Variants in KATNB1 observed in about 807,000 individuals in gnomAD.
The protein encoded by KATNB1 is katanin regulatory subunit B1.
Under a neutral mutation model 82.3 loss-of-function variants are expected in KATNB1, and 38 were observed. The ratio of observed to expected loss-of-function variants is 0.46; its 90% confidence interval spans 0.36 to 0.61. KATNB1 has a LOEUF of 0.61. Ranked by LOEUF, KATNB1 falls within the 20% of genes least tolerant of loss-of-function variation. The probability of loss-of-function intolerance (pLI) is 0.00; values close to 1 mark genes in which losing one functional copy is unlikely to be tolerated. For missense variants in KATNB1, 749 were observed against 915.7 expected (o/e 0.82, Z 2.35); for synonymous variants, 361 against 368.7 (o/e 0.98, Z 0.24).
intron 4 of KATNB1, among the ~76,000 whole-genome samples, chr16:57,745,563 C>CA (rs11449099): frequency 0.65 from 87,370 of 135,174 alleles, 29,524 homozygotes; most frequent in Non-Finnish European, 0.78. Flanking sequence ...AACTCCATCT[C>CA]AAAAAAAAAA....
chr16:57,752,188 G>C, intron 8 of KATNB1, 133 bp downstream of exon 8: 1 of 700,450 alleles, frequency 1.4e-6, no homozygotes. Context: ...GGACTGAATT[G>C]GATTTCAGCC....
intron 2 of KATNB1, among the ~76,000 whole-genome samples, chr16:57,738,633 T>C (rs183864815): frequency 5.0e-4 from 76 of 152,270 alleles, no homozygotes; most frequent in Non-Finnish European, 7.8e-4. Context: ...TGTTTCCTTG[T>C]TTGTAAAGTG....
intron 4 of KATNB1, among the ~76,000 whole-genome samples, chr16:57,748,705 A>C (rs1325416804): frequency 6.6e-6 from 1 of 152,212 alleles, no homozygotes; most frequent in Non-Finnish European, 1.5e-5. Context: ...GGCAGGAGTC[A>C]AGCCGGAAGA....
chr16:57,752,285 G>T (rs1331652870), intron 8 of KATNB1: 1 of 626,124 alleles, frequency 1.6e-6, no homozygotes, highest in East Asian at 2.7e-5. Flanking sequence ...GGGCAGGTTG[G>T]GACCCAAGGC....
In KATNB1 at chr16:57,753,459, C is replaced by T. The variant is rs1219563642; in HGVS notation, c.1117C>T (p.Arg373Cys). The T allele has an allele frequency of 9.3e-6, 15 of 1,613,118 alleles. No homozygotes were observed. The highest frequency in any genetic ancestry group is 8.3e-5 in the Admixed American group (5 of 60,006). The change falls in exon 12 of 20, where the codon CGC becomes TGC. Residue 373 changes from arginine to cysteine, a missense_variant. By Grantham distance (180) the Arg-to-Cys change is radical (BLOSUM62 -3). Transcript: ENST00000379661. ...GGATGACCGGGACGAGCGCGAGTCC[C>T]GCGCGGAGATCCAGAACGCCGAGGA... is the stretch of plus-strand genomic sequence containing the variant. The part of the protein sequence containing the change: ...SEDDRDERES[R>C]AEIQNAEDYN...
chr16:57,754,039 C>A (rs781996633), intron 13 of KATNB1, 44 bp downstream of exon 13: 1 of 1,520,940 alleles, frequency 6.6e-7, no homozygotes, highest in Non-Finnish European at 9.1e-7. Context: ...TGATGCCCCC[C>A]CGTCCCTCAT....
rs782156496 is a variant in KATNB1, at chr16:57,741,780, T to C, written c.134T>C (p.Val45Ala). 1.2e-6 allele frequency: 2 copies of C among 1,613,626 alleles called. No individual in the cohort carries two copies. Among genetic ancestry groups the C allele is most frequent in the East Asian group, 2.2e-5 (1 of 44,888 alleles). Residue 45 changes from valine to alanine, a missense_variant, in exon 3 of 20, where the codon GTC becomes GCC. Val to Ala is a moderately conservative substitution (Grantham distance 64). Coordinates refer to ENST00000379661, the MANE Select transcript of KATNB1 (RefSeq NM_005886.3). Reference protein sequence around the residue: ...LLATGGDDCRVNLWSINKPNC... With the variant: ...LLATGGDDCRANLWSINKPNC... ...GCTACAGGCGGGGATGACTGCCGCG[T>C]CAACCTGTGGTCCATCAACAAGCCC...
At chr16:57,753,321 GC>G in intron 11 of KATNB1, 54 bp downstream of exon 11, 1 of 1,578,900 alleles carries the variant, frequency 6.3e-7, no homozygotes, top group Non-Finnish European at 8.6e-7. Context: ...CACAGGGGAA[GC>G]CTCGGAGTTC....
intron 8 of KATNB1, 130 bp from the exon 9 acceptor site, chr16:57,752,400 C>T: frequency 2.4e-6 from 2 of 848,060 alleles, no homozygotes; most frequent in Non-Finnish European, 3.8e-6. Context: ...AGGGCCAGCT[C>T]TGCCCCAGAT....
At position 57,753,953 on chromosome 16, in the gene KATNB1, C is replaced by T. The variant is rs1366144313; in HGVS notation, c.1186C>T (p.Pro396Ser). The T allele has an allele frequency of 6.2e-7, 1 of 1,613,378 alleles. No individual in the cohort carries two copies. Among genetic ancestry groups the T allele is most frequent in the Non-Finnish European group, 8.5e-7 (1 of 1,179,898 alleles). Residue 396 changes from proline to serine, a missense_variant, in exon 13 of 20, where the codon CCA (proline) becomes TCA (serine). Physicochemically the swap from Pro to Ser is moderately conservative, Grantham distance 74. Coordinates refer to ENST00000379661, the MANE Select transcript of KATNB1 (RefSeq NM_005886.3). Reference sequence around the variant, plus strand: ...GCCTCTTTCCTCTGCAGGTCGGACGCCACCCCGGAGAAGTGAGCCCTTCCC... The same window carrying T: ...GCCTCTTTCCTCTGCAGGTCGGACGTCACCCCGGAGAAGTGAGCCCTTCCC... ...FQPKNSISRTPPRRSEPFPAP... is the reference protein window; with the variant it reads ...FQPKNSISRTSPRRSEPFPAP...
intron 2 of KATNB1, 60 bp downstream of exon 2, chr16:57,737,343 G>A (rs2049108768): frequency 6.3e-7 from 1 of 1,593,820 alleles, no homozygotes; most frequent in African/African-American, 1.3e-5. Flanking sequence ...TTGTTGCTGG[G>A]AGGCCTGAAC....
At chr16:57,748,133 T>C (rs1349658990) in intron 4 of KATNB1, among the ~76,000 whole-genome samples, 1 of 152,112 alleles carries the variant, frequency 6.6e-6, no homozygotes, top group African/African-American at 2.4e-5. Flanking sequence ...TAGCTGCAGG[T>C]AGCAGAGCCT....
chr16:57,752,071 G>A lies in KATNB1; in HGVS notation c.632+16G>A, dbSNP rs782055855. ...GCTCTGACAGGTGAGGAGGAGGAGC[G>A]AGGCGAGTTGCTTGTGACTGCTGTC... is the stretch of plus-strand genomic sequence containing the variant. On this transcript the variant is annotated intron_variant, in intron 8 of 19. Transcript: ENST00000379661. The A allele has an allele frequency of 6.5e-5, 100 of 1,544,878 alleles. No individual in the cohort carries two copies. In the Admixed American group the frequency reaches 7.7e-4, roughly 12 times the overall value.
chr16:57,752,500 CT>C (rs1567901486), intron 8 of KATNB1, 29 bp from the exon 9 acceptor site: 4 of 1,549,728 alleles, frequency 2.6e-6, no homozygotes, highest in Non-Finnish European at 2.6e-6. Context: ...GAGGGATAGG[CT>C]TCGCAGCACA....
Position 57,751,614 on chromosome 16 carries a change from G to A in KATNB1, c.433-27G>A, listed in dbSNP as rs565960314. On this transcript the variant is annotated intron_variant, in intron 6 of 19. Coordinates refer to ENST00000379661, the MANE Select transcript of KATNB1 (RefSeq NM_005886.3). This position sits in a 1 kb window ranked among gnomAD's most constrained non-coding sequence, Gnocchi z 6.3. The stretch of plus-strand genomic sequence containing the variant: ...GGTCTGTTGGGCCCAGGATCCCAGG[G>A]TGAGCTCATGCCGTGTCCTCCCTCA... The A allele has an allele frequency of 2.5e-6, 4 of 1,605,078 alleles. No homozygotes were observed. Among genetic ancestry groups the A allele is most frequent in the Admixed American group, 3.3e-5 (2 of 60,016 alleles).
Position 57,751,774 on chromosome 16 carries a change from G to T in KATNB1, c.516+50G>T. The T allele has an allele frequency of 6.4e-7, 1 of 1,567,704 alleles. No individual in the cohort carries two copies. On this transcript the variant is annotated intron_variant, in intron 7 of 19. Coordinates refer to ENST00000379661, the MANE Select transcript of KATNB1 (RefSeq NM_005886.3). The surrounding 1 kb of genome is among the most constrained non-coding windows in gnomAD (Gnocchi z 6.3). ...CAGGGGCTGGGGGCTGGGGTCTGCT[G>T]ATCACAGCAGGCTGAGTCCTCACCT...
chr16:57,753,377 TCA>T lies in KATNB1; in HGVS notation c.1047-10_1047-9del. ...GCACCTGCTTCCGTTGGGCTTGGCCTCACGCTCCCAGGGTGAAGCAGAACTCA... is the reference window on the plus strand; with the variant it reads ...GCACCTGCTTCCGTTGGGCTTGGCCTCGCTCCCAGGGTGAAGCAGAACTCA... On this transcript the variant is annotated splice_polypyrimidine_tract_variant and intron_variant, in intron 11 of 19. Coordinates refer to ENST00000379661, the MANE Select transcript of KATNB1 (RefSeq NM_005886.3). 1 of 1,608,138 alleles carries T rather than the reference TCA, an allele frequency of 6.2e-7. No homozygotes were observed. The highest frequency in any genetic ancestry group is 8.5e-7 in the Non-Finnish European group (1 of 1,176,752).
chr16:57,746,665 G>A (rs1309593480), intron 4 of KATNB1, among the ~76,000 whole-genome samples: 1 of 151,510 alleles, frequency 6.6e-6, no homozygotes, highest in Non-Finnish European at 1.5e-5. Context: ...CAGCTCTACG[G>A]ATTTTTCAAG....
chr16:57,755,046 C>G (rs782657836), intron 14 of KATNB1, 49 bp downstream of exon 14: 3 of 1,613,544 alleles, frequency 1.9e-6, no homozygotes, highest in East Asian at 2.2e-5. Flanking sequence ...AGGTCCTGAC[C>G]CAGGGTTGGG....
Sources: allele counts gnomAD v4.1 joint callset (sites outside exome capture counted in the v4.1 genomes callset), GRCh38; gene constraint gnomAD v4.1.1; non-coding constraint Gnocchi (gnomAD v3.1); transcripts MANE v1.5; gene names NCBI Gene and HGNC (gene_info 2026-07-23, HGNC 2026-07-21).